The following SLC9A4 variants were observed in gnomAD, a reference collection of about 807,000 sequenced individuals.
SLC9A4 encodes solute carrier family 9 member A4.
In SLC9A4, 63 loss-of-function variants were observed where a neutral mutation model predicts 67.4. The observed-to-expected ratio is 0.93, with a 90% CI of 0.76 to 1.15. The LOEUF is 1.15. Among genes scored for constraint, SLC9A4 ranks in the 50% most tolerant of loss-of-function variants. The pLI, the probability that SLC9A4 is intolerant of heterozygous loss-of-function variation, is 0.00. For missense variants in SLC9A4, 1,089 were observed against 987.7 expected (o/e 1.10, Z -1.38); for synonymous variants, 393 against 367.2 (o/e 1.07, Z -0.80).
At chr2:102,496,912 T>A (rs1446520878) in intron 2 of SLC9A4, among the ~76,000 whole-genome samples, 2 of 152,172 alleles carry the variant, frequency 1.3e-5, no homozygotes. Flanking sequence ...TAAAATGATA[T>A]GATGACTTTG....
intron 2 of SLC9A4, among the ~76,000 whole-genome samples, chr2:102,485,991 A>G (rs1485017067): frequency 6.6e-6 from 1 of 152,190 alleles, no homozygotes; most frequent in Non-Finnish European, 1.5e-5. Context: ...ACTGTCCTGG[A>G]CACAGGGCAC....
chr2:102,532,248 G>A, intron 11 of SLC9A4, 82 bp from the exon 12 acceptor site: 1 of 1,436,554 alleles, frequency 7.0e-7, no homozygotes, highest in Non-Finnish European at 9.4e-7. Flanking sequence ...GCTTCACTCT[G>A]AGTTCCTGCC....
At chr2:102,474,134 A>C in intron 1 of SLC9A4, 119 bp downstream of exon 1, 1 of 1,222,134 alleles carries the variant, frequency 8.2e-7, no homozygotes, top group Non-Finnish European at 1.1e-6. Flanking sequence ...TACATTAAAA[A>C]TTCTCTTCCC....
In SLC9A4 at chr2:102,532,568, G is replaced by A; in HGVS notation, c.2277G>A (p.Glu759=). Residue 759 remains glutamate, a synonymous_variant, in exon 12 of 12, where the codon GAG becomes GAA. Coordinates refer to ENST00000295269, the MANE Select transcript of SLC9A4 (RefSeq NM_001011552.4). The part of the protein sequence containing the change: ...PLFHAVDEEG[E]SGGESEGKAS... The stretch of plus-strand genomic sequence containing the variant: ...TTCATGCAGTGGATGAGGAGGGTGA[G>A]TCTGGAGGGGAGAGTGAGGGCAAGG... 1 of 1,614,080 alleles carries A rather than the reference G, an allele frequency of 6.2e-7. No individual in the cohort carries two copies. The highest frequency in any genetic ancestry group is 8.5e-7 in the Non-Finnish European group (1 of 1,179,976).
chr2:102,478,762 G>A, intron 1 of SLC9A4, 77 bp from the exon 2 acceptor site: 1 of 1,427,504 alleles, frequency 7.0e-7, no homozygotes, highest in Admixed American at 2.0e-5. Context: ...GGTCCTGTCT[G>A]CTTGACTTTA....
At chr2:102,498,004 C>T (rs766696286) in intron 2 of SLC9A4, among the ~76,000 whole-genome samples, 2 of 152,116 alleles carry the variant, frequency 1.3e-5, no homozygotes, top group Non-Finnish European at 2.9e-5. Flanking sequence ...TGTTGGAAGG[C>T]TTGGAAAATC....
intron 11 of SLC9A4, among the ~76,000 whole-genome samples, chr2:102,531,330 A>T (rs561266726): frequency 1.1e-4 from 17 of 152,336 alleles, no homozygotes; most frequent in African/African-American, 3.8e-4. Context: ...GATATATGTG[A>T]GAAATATTCC....
At chr2:102,509,080 A>C (rs1685106494) in intron 6 of SLC9A4, 147 bp downstream of exon 6, 1 of 690,122 alleles carries the variant, frequency 1.4e-6, no homozygotes, top group East Asian at 2.7e-5. Context: ...CTGCTGTAGG[A>C]AATTGCCACA....
intron 2 of SLC9A4, among the ~76,000 whole-genome samples, chr2:102,487,973 T>A (rs1032295178): frequency 1.3e-5 from 2 of 152,230 alleles, no homozygotes; most frequent in Non-Finnish European, 2.9e-5. Context: ...TATGAACACA[T>A]GACTTATTTC....
chr2:102,506,003 T>TA (rs1278490801), intron 4 of SLC9A4, among the ~76,000 whole-genome samples: 1 of 152,188 alleles, frequency 6.6e-6, no homozygotes, highest in Non-Finnish European at 1.5e-5. Context: ...CTAAATAGTA[T>TA]AGGTGGTTTC....
At chr2:102,517,422 T>C (rs1257793180) in intron 8 of SLC9A4, among the ~76,000 whole-genome samples, 1 of 152,172 alleles carries the variant, frequency 6.6e-6, no homozygotes, top group Non-Finnish European at 1.5e-5. Flanking sequence ...AGCTTCTTTT[T>C]ACATTATTAT....
intron 2 of SLC9A4, among the ~76,000 whole-genome samples, chr2:102,488,248 C>A (rs6740040): frequency 0.019 from 2,889 of 152,236 alleles, 100 homozygotes; most frequent in African/African-American, 0.065. Flanking sequence ...GGAAAAAAAA[C>A]ATGCCCGGTG....
At chr2:102,519,721 G>A in intron 8 of SLC9A4, 138 bp from the exon 9 acceptor site, 1 of 676,952 alleles carries the variant, frequency 1.5e-6, no homozygotes, top group East Asian at 3.1e-5. Flanking sequence ...CAACTTACTA[G>A]AACAATAGGA....
At chr2:102,479,381 C>T (rs1684411009) in intron 2 of SLC9A4, 79 bp downstream of exon 2, 2 of 1,431,598 alleles carry the variant, frequency 1.4e-6, no homozygotes, top group East Asian at 2.5e-5. Context: ...GCTGTGGAGA[C>T]GGCTCCAGTG....
In SLC9A4 at chr2:102,479,334, G is replaced by C; in HGVS notation, c.720+32G>C. On this transcript the variant is annotated intron_variant, in intron 2 of 11. Transcript: ENST00000295269. ...TGTCATGTGCCCGCCCGGCTTCCGG[G>C]GGAGATGAGGGTTCGGGGTGGGGCT... 3 of 1,568,640 alleles carry C rather than the reference G, an allele frequency of 1.9e-6. No individual in the cohort carries two copies. The South Asian group carries it at 3.5e-5, about 18-fold the overall frequency.
chr2:102,528,686 A>G (rs1421501116), intron 11 of SLC9A4, among the ~76,000 whole-genome samples: 1 of 152,196 alleles, frequency 6.6e-6, no homozygotes, highest in Non-Finnish European at 1.5e-5. Flanking sequence ...ACAGCAAAAC[A>G]CTAAAGTACA....
At chr2:102,489,860 G>C (rs926735130) in intron 2 of SLC9A4, among the ~76,000 whole-genome samples, 1 of 152,136 alleles carries the variant, frequency 6.6e-6, no homozygotes, top group Admixed American at 6.6e-5. Context: ...TTCTTAGTTG[G>C]TTTCCTTTTG....
chr2:102,502,607 C>T (rs558907255), intron 2 of SLC9A4, among the ~76,000 whole-genome samples: 17 of 152,220 alleles, frequency 1.1e-4, no homozygotes, highest in Non-Finnish European at 2.4e-4. Flanking sequence ...TGTGGACTGG[C>T]CACTGGGTAG....
At chr2:102,530,223 C>T (rs1674751248) in intron 11 of SLC9A4, among the ~76,000 whole-genome samples, 1 of 152,162 alleles carries the variant, frequency 6.6e-6, no homozygotes, top group Non-Finnish European at 1.5e-5. Context: ...GGGGCCCGCC[C>T]TGCGCTGAGC....
Sources: gnomAD v4.1 joint callset for allele counts (sites outside exome capture counted in the v4.1 genomes callset) on GRCh38, gnomAD v4.1.1 for gene constraint, MANE v1.5 for transcripts, NCBI Gene and HGNC (gene_info 2026-07-23, HGNC 2026-07-21) for gene names.